Variants in FAM81B observed in about 807,000 individuals in gnomAD.
FAM81B encodes protein FAM81B.
FAM81B carries 60 observed loss-of-function variants against 58.7 expected under a neutral mutation model. The observed-to-expected ratio is 1.02, with a 90% CI of 0.83 to 1.27. FAM81B has a LOEUF of 1.27. FAM81B is among the 50% of genes most tolerant of loss of function. The pLI, the probability that FAM81B is intolerant of heterozygous loss-of-function variation, is 0.00. For synonymous variants in FAM81B, 189 were observed against 179.6 expected (o/e 1.05, Z -0.42); for missense variants, 491 against 522.0 (o/e 0.94, Z 0.58).
At chr5:95,446,508 T>A (rs1745564060) in intron 7 of FAM81B, 54 bp from the exon 8 acceptor site, 2 of 1,458,166 alleles carry the variant, frequency 1.4e-6, no homozygotes, top group Non-Finnish European at 9.2e-7. Flanking sequence ...TCAATACTAA[T>A]TTTTTATGTT....
At chr5:95,439,647 A>G (rs1745253298) in intron 7 of FAM81B, among the ~76,000 whole-genome samples, 1 of 151,734 alleles carries the variant, frequency 6.6e-6, no homozygotes, top group African/African-American at 2.4e-5. Flanking sequence ...TCAATCTGGT[A>G]TATTGGATTT....
intron 2 of FAM81B, among the ~76,000 whole-genome samples, chr5:95,393,411 G>T (rs892101169): frequency 1.3e-5 from 2 of 152,138 alleles, no homozygotes; most frequent in African/African-American, 4.8e-5. Flanking sequence ...TTGATTTTTG[G>T]TATGTATTAT....
intron 7 of FAM81B, 96 bp downstream of exon 7, chr5:95,437,002 T>A: frequency 2.2e-6 from 2 of 896,530 alleles, no homozygotes; most frequent in Non-Finnish European, 3.5e-6. Context: ...ATCCCAGGAA[T>A]TTGAACCTGG....
intron 3 of FAM81B, chr5:95,397,143 CT>C (rs1252209922): frequency 4.6e-5 from 7 of 152,126 alleles, no homozygotes; most frequent in Non-Finnish European, 8.8e-5. Context: ...AAGAATTCCC[CT>C]GTCCCTTGGC....
intron 6 of FAM81B, 77 bp downstream of exon 6, chr5:95,428,809 A>C: frequency 1.3e-6 from 2 of 1,582,268 alleles, no homozygotes; most frequent in Non-Finnish European, 1.7e-6. Flanking sequence ...AAAATGCCCA[A>C]TCAGGTGGTA....
intron 6 of FAM81B, among the ~76,000 whole-genome samples, chr5:95,429,612 G>A (rs1744791177): frequency 6.6e-6 from 1 of 152,030 alleles, no homozygotes; most frequent in Admixed American, 6.6e-5. Context: ...ATCTTATTAG[G>A]CCCAATAATT....
At chr5:95,431,901 T>TTTTAC (rs1173049466) in intron 6 of FAM81B, among the ~76,000 whole-genome samples, 1 of 152,008 alleles carries the variant, frequency 6.6e-6, no homozygotes, top group Non-Finnish European at 1.5e-5. Context: ...TAATTTTAGC[T>TTTTAC]CATGTTTTTT....
chr5:95,426,703 A>G lies in FAM81B; in HGVS notation c.657-1900A>G, dbSNP rs1015246177. On this transcript the variant is annotated intron_variant, in intron 5 of 9. Coordinates refer to ENST00000283357, the MANE Select transcript of FAM81B (RefSeq NM_152548.3). ...TACAACTGTATGCAGTGACCATGGC[A>G]TCATTTCCCCTTTTTTTCAGATGAG... Among the ~76,000 whole-genome samples the G allele has an allele frequency of 2.0e-5, 3 of 152,170 alleles. No individual in the cohort carries two copies. In the East Asian group the frequency reaches 5.8e-4, roughly 29 times the overall value.
chr5:95,435,238 A>T (rs1745053626), intron 6 of FAM81B, among the ~76,000 whole-genome samples: 2 of 152,192 alleles, frequency 1.3e-5, no homozygotes, highest in Non-Finnish European at 2.9e-5. Flanking sequence ...GCACATTTTC[A>T]TGTGAAACAC....
At chr5:95,406,383 G>A (rs1010687653) in intron 3 of FAM81B, 3 of 152,744 alleles carry the variant, frequency 2.0e-5, no homozygotes, top group African/African-American at 7.2e-5. Flanking sequence ...TCCAACAGTT[G>A]AGCCAAAGAA....
intron 6 of FAM81B, among the ~76,000 whole-genome samples, chr5:95,429,261 C>A (rs1744774665): frequency 6.6e-6 from 1 of 152,120 alleles, no homozygotes; most frequent in African/African-American, 2.4e-5. Flanking sequence ...GTAGGTAGGT[C>A]CCCACTCACA....
intron 4 of FAM81B, among the ~76,000 whole-genome samples, chr5:95,414,604 C>A (rs1036209293): frequency 2.0e-5 from 3 of 152,228 alleles, no homozygotes; most frequent in Admixed American, 1.3e-4. Flanking sequence ...CGTCTTCTAC[C>A]CTTCTTTCCT....
At chr5:95,394,568 CCT>C in intron 2 of FAM81B, among the ~76,000 whole-genome samples, 1 of 152,272 alleles carries the variant, frequency 6.6e-6, no homozygotes, top group Admixed American at 6.5e-5. Context: ...GGCATCAGGT[CCT>C]CTGACTTAGG....
At chr5:95,437,945 C>G (rs1164444987) in intron 7 of FAM81B, among the ~76,000 whole-genome samples, 1 of 152,168 alleles carries the variant, frequency 6.6e-6, no homozygotes, top group Non-Finnish European at 1.5e-5. Context: ...TAATACTCTA[C>G]TTTCTCCATT....
At chr5:95,411,370 A>G (rs1762401025) in intron 3 of FAM81B, among the ~76,000 whole-genome samples, 1 of 147,084 alleles carries the variant, frequency 6.8e-6, no homozygotes, top group Non-Finnish European at 1.5e-5. Flanking sequence ...TTATAAAAGG[A>G]GATTTATTTT....
chr5:95,408,109 A>G (rs62365004), intron 3 of FAM81B, among the ~76,000 whole-genome samples: 2 of 134,174 alleles, frequency 1.5e-5, no homozygotes, highest in African/African-American at 2.7e-5. Flanking sequence ...AGAGAGAGAG[A>G]GAGGAGGGAA....
chr5:95,396,048 C>T, intron 2 of FAM81B, 63 bp from the exon 3 acceptor site: 1 of 1,273,570 alleles, frequency 7.9e-7, no homozygotes, highest in Non-Finnish European at 1.1e-6. Flanking sequence ...TAAAGATAAA[C>T]TGCATAGAAG....
chr5:95,443,000 A>G (rs950879992), intron 7 of FAM81B, among the ~76,000 whole-genome samples: 2 of 152,152 alleles, frequency 1.3e-5, no homozygotes, highest in Admixed American at 1.3e-4. Context: ...TCAAAGCCCT[A>G]TCTAAGTTCT....
At chr5:95,417,801 C>A (rs558962172) in intron 4 of FAM81B, among the ~76,000 whole-genome samples, 1 of 152,188 alleles carries the variant, frequency 6.6e-6, no homozygotes, top group East Asian at 1.9e-4. Flanking sequence ...TGTATACAAT[C>A]CACTTTCACA....
Sources: allele counts gnomAD v4.1 joint callset (sites outside exome capture counted in the v4.1 genomes callset), GRCh38; gene constraint gnomAD v4.1.1; transcripts MANE v1.5; gene names NCBI Gene and HGNC (gene_info 2026-07-23, HGNC 2026-07-21).